Variants in RTTN observed in about 807,000 individuals in gnomAD.
RTTN encodes the protein rotatin.
In RTTN, 182 loss-of-function variants were observed where a neutral mutation model predicts 269.2. The observed-to-expected ratio is 0.68, with a 90% CI of 0.60 to 0.76. RTTN has a LOEUF of 0.76. Ranked by LOEUF, RTTN falls within the 30% of genes least tolerant of loss-of-function variation. RTTN has a pLI of 0.00. For synonymous variants in RTTN, 1,006 were observed against 963.5 expected, an observed-to-expected ratio of 1.04 and a Z score of -0.82; for missense variants, 2,545 against 2,608.6, an observed-to-expected ratio of 0.98 and a Z score of 0.53.
chr18:70,141,402 T>C (rs759961925), intron 19 of RTTN, among the ~76,000 whole-genome samples: 19 of 152,168 alleles, frequency 1.2e-4, no homozygotes, highest in Non-Finnish European at 2.5e-4. Context: ...CTAGTTGTTT[T>C]TAAAAATAAA....
At chr18:70,177,030 T>TC (rs763115003) in intron 10 of RTTN, among the ~76,000 whole-genome samples, 185 bp from the exon 11 acceptor site, 32 of 152,328 alleles carry the variant, frequency 2.1e-4, no homozygotes, top group Middle Eastern at 3.4e-3. Context: ...CACAAAAGAA[T>TC]GATAAACCAC....
chr18:70,192,333 T>C (rs2061691480), intron 8 of RTTN, among the ~76,000 whole-genome samples: 1 of 152,110 alleles, frequency 6.6e-6, no homozygotes, highest in Non-Finnish European at 1.5e-5. Context: ...TAAGGTAACA[T>C]ACAAATACCA....
chr18:70,162,285 A>G (rs545226684), intron 14 of RTTN, among the ~76,000 whole-genome samples: 204 of 152,348 alleles, frequency 1.3e-3, no homozygotes, highest in Non-Finnish European at 2.3e-3. Flanking sequence ...ATTCTCACTT[A>G]GAAGTGGGAA....
intron 11 of RTTN, among the ~76,000 whole-genome samples, chr18:70,170,900 G>A (rs1352952797): frequency 6.6e-6 from 1 of 152,158 alleles, no homozygotes; most frequent in Non-Finnish European, 1.5e-5. Context: ...ATGAGCAAAA[G>A]AAAGGAATCA....
At chr18:70,048,312 G>A (rs963002544) in intron 39 of RTTN, 124 bp from the exon 40 acceptor site, 12 of 907,624 alleles carry the variant, frequency 1.3e-5, no homozygotes, top group Non-Finnish European at 2.0e-5. Context: ...GTGTGATTGT[G>A]TTGCAACTGT....
Position 70,109,729 on chromosome 18 carries a change from A to G in RTTN, c.3684-12T>C. 6.2e-7 allele frequency: 1 copy of G among 1,609,834 alleles called. No homozygotes were observed. Among genetic ancestry groups the G allele is most frequent in the East Asian group, 2.2e-5 (1 of 44,854 alleles). ...GTTCCGAGCATTTCCTATGTATGCAAAAGAGGGAAAATCAACCACCAAGAA... is the reference window on the plus strand; with the variant it reads ...GTTCCGAGCATTTCCTATGTATGCAGAAGAGGGAAAATCAACCACCAAGAA... On this transcript the variant is annotated splice_polypyrimidine_tract_variant and intron_variant, in intron 27 of 48. Coordinates refer to ENST00000640769, the MANE Select transcript of RTTN (RefSeq NM_173630.4).
intron 14 of RTTN, among the ~76,000 whole-genome samples, chr18:70,164,195 T>C (rs2145892037): frequency 7.0e-6 from 1 of 143,064 alleles, no homozygotes; most frequent in South Asian, 2.3e-4. Flanking sequence ...ATAGTTAAAA[T>C]GGTAAAATTT....
chr18:70,108,812 C>T (rs1232186602), intron 28 of RTTN, among the ~76,000 whole-genome samples: 2 of 151,774 alleles, frequency 1.3e-5, no homozygotes, highest in African/African-American at 2.4e-5. Context: ...AAACAAAGCT[C>T]CTAGCAAAAC....
chr18:70,013,600 A>G (rs920911909), intron 46 of RTTN, among the ~76,000 whole-genome samples: 3 of 152,246 alleles, frequency 2.0e-5, no homozygotes, highest in Non-Finnish European at 4.4e-5. Context: ...GTGAATATAC[A>G]GTAGTAAAAT....
At chr18:70,103,519 G>T (rs372718203) in intron 28 of RTTN, among the ~76,000 whole-genome samples, 1 of 151,896 alleles carries the variant, frequency 6.6e-6, no homozygotes, top group Non-Finnish European at 1.5e-5. Context: ...GATTAAGGGC[G>T]GTGCAAGATG....
chr18:70,041,166 C>T (rs1002749973), intron 40 of RTTN, among the ~76,000 whole-genome samples: 1 of 151,610 alleles, frequency 6.6e-6, no homozygotes, highest in African/African-American at 2.4e-5. Context: ...TGAGATCGGG[C>T]CACGCTGCAC....
At chr18:70,044,573 T>C (rs1193300925) in intron 40 of RTTN, among the ~76,000 whole-genome samples, 3 of 152,142 alleles carry the variant, frequency 2.0e-5, no homozygotes, top group Non-Finnish European at 4.4e-5. Flanking sequence ...GTAACTACAA[T>C]AAAGTTTAAT....
chr18:70,037,138 C>A (rs574123844), intron 40 of RTTN, among the ~76,000 whole-genome samples: 10 of 152,210 alleles, frequency 6.6e-5, no homozygotes, highest in Non-Finnish European at 1.2e-4. Context: ...TCTTGGCAAG[C>A]CTTGCCACCG....
At position 70,196,296 on chromosome 18, in the gene RTTN, GA is replaced by G. The variant is rs34150741; in HGVS notation, c.841+204del. Among the ~76,000 whole-genome samples the G allele has an allele frequency of 0.74, 105,893 of 142,194 alleles. 44,909 individuals are homozygous for G. Among genetic ancestry groups the G allele is most frequent in the East Asian group, 0.99 (4,979 of 5,008 alleles). The allele number at this position is 142,194 out of a possible 152,430, so 93.3% of individuals were successfully genotyped here. On this transcript the variant is annotated intron_variant, in intron 7 of 48. Coordinates refer to ENST00000640769, the MANE Select transcript of RTTN (RefSeq NM_173630.4). ...ACACCTTGTAAATATCTCTTATCCA[GA>G]AAAAAAAAAAAAGGCTCAAGAGATC...
intron 10 of RTTN, among the ~76,000 whole-genome samples, chr18:70,182,397 C>T (rs977361593): frequency 6.6e-6 from 1 of 151,422 alleles, no homozygotes; most frequent in Non-Finnish European, 1.5e-5. Flanking sequence ...ATCAAAATAG[C>T]ATAAAGAGAA....
At chr18:70,010,734 G>C (rs1460080923) in intron 46 of RTTN, among the ~76,000 whole-genome samples, 1 of 152,092 alleles carries the variant, frequency 6.6e-6, no homozygotes, top group Non-Finnish European at 1.5e-5. Context: ...AAATAACTAA[G>C]ATCAGAGCAG....
In RTTN at chr18:70,176,687, G is replaced by GAGA. The variant is rs768961238; in HGVS notation, c.1461_1463dup (p.Leu488dup). 1.2e-6 allele frequency: 2 copies of GAGA among 1,613,092 alleles called. No homozygotes were observed. Among genetic ancestry groups the GAGA allele is most frequent in the Admixed American group, 3.3e-5 (2 of 59,898 alleles). On this transcript the variant is annotated inframe_insertion, in exon 11 of 49. Transcript: ENST00000640769. ...TTGCCTGCCTTACCTTTTCAACAGG[G>GAGA]AGAAGCGTTTGTAGCAGTCGAACTG...
At chr18:70,177,265 G>T (rs1389934533) in intron 10 of RTTN, among the ~76,000 whole-genome samples, 1 of 152,074 alleles carries the variant, frequency 6.6e-6, no homozygotes, top group Non-Finnish European at 1.5e-5. Context: ...AAAGAACAAT[G>T]CATTAGTACA....
chr18:70,152,389 T>C (rs923501809), intron 14 of RTTN, among the ~76,000 whole-genome samples: 11 of 152,064 alleles, frequency 7.2e-5, no homozygotes, highest in African/African-American at 2.7e-4. Context: ...CAGAAAGAGG[T>C]AGTACCTAGC....
Sources: allele counts gnomAD v4.1 joint callset (sites outside exome capture counted in the v4.1 genomes callset), GRCh38; gene constraint gnomAD v4.1.1; transcripts MANE v1.5; gene names NCBI Gene and HGNC (gene_info 2026-07-23, HGNC 2026-07-21).